TDP1: variants seen among roughly 807,000 people sequenced by gnomAD.
TDP1 encodes the protein tyr-DNA phosphodiesterase 1.
Under a neutral mutation model 81.5 loss-of-function variants are expected in TDP1, and 64 were observed. The ratio of observed to expected loss-of-function variants is 0.79; its 90% confidence interval spans 0.64 to 0.97. The LOEUF (loss-of-function observed/expected upper bound fraction) is 0.97. Among genes scored for constraint, TDP1 ranks in the 50% least tolerant of loss-of-function variants. The pLI is 0.00. For synonymous variants in TDP1, 256 were observed against 264.3 expected, an observed-to-expected ratio of 0.97 and a Z score of 0.30; for missense variants, 723 against 743.8, an observed-to-expected ratio of 0.97 and a Z score of 0.33.
intron 15 of TDP1, among the ~76,000 whole-genome samples, chr14:90,027,338 C>G (rs1434136999): frequency 6.6e-6 from 1 of 152,042 alleles, no homozygotes; most frequent in African/African-American, 2.4e-5. Context: ...GGGTTTCTAC[C>G]CACATGTCAG....
At position 89,976,527 on chromosome 14, in the gene TDP1, C is replaced by CTTT. The variant is rs35744477; in HGVS notation, c.791+738_791+740dup. Among the ~76,000 whole-genome samples the CTTT allele has an allele frequency of 1.1e-3, 98 of 88,758 alleles. 19 individuals are homozygous for CTTT. The highest frequency in any genetic ancestry group is 4.0e-3 in the African/African-American group (81 of 20,048). 58.2% of individuals were successfully genotyped at this position (88,758 alleles called of 152,430 possible). Reference sequence around the variant, plus strand: ...TTTGCAGGTTAAACTCAACAGAGCTCTTTTTTTTTTTTTTTTTTTTTTTTT... The same window carrying CTTT: ...TTTGCAGGTTAAACTCAACAGAGCTCTTTTTTTTTTTTTTTTTTTTTTTTTTTT... On this transcript the variant is annotated intron_variant, in intron 7 of 16. Transcript: ENST00000335725.
chr14:89,971,098 G>A (rs964058360), intron 5 of TDP1, 77 bp from the exon 6 acceptor site: 16 of 1,309,322 alleles, frequency 1.2e-5, no homozygotes, highest in Non-Finnish European at 1.7e-5. Flanking sequence ...GGCCTCCCAA[G>A]GTGCCGGGAT....
intron 6 of TDP1, among the ~76,000 whole-genome samples, chr14:89,972,838 A>G (rs968161781): frequency 1.3e-5 from 2 of 152,128 alleles, no homozygotes; most frequent in Non-Finnish European, 2.9e-5. Flanking sequence ...TTCTTTCCTT[A>G]TCGTTAGCTT....
intron 14 of TDP1, among the ~76,000 whole-genome samples, chr14:90,015,803 A>G (rs1376929341): frequency 2.0e-5 from 3 of 152,132 alleles, no homozygotes; most frequent in African/African-American, 7.2e-5. Flanking sequence ...TGACACCATC[A>G]CATTGGGGGT....
chr14:90,039,316 T>G (rs556327998), intron 16 of TDP1, among the ~76,000 whole-genome samples: 5 of 152,260 alleles, frequency 3.3e-5, no homozygotes, highest in African/African-American at 1.2e-4. Flanking sequence ...CTAGCTGGCA[T>G]GTCTCGTACA....
At position 89,991,993 on chromosome 14, in the gene TDP1, T is replaced by G. The variant is rs1390223144; in HGVS notation, c.1433+10T>G. The G allele has an allele frequency of 1.2e-6, 2 of 1,608,338 alleles. No homozygotes were observed. The highest frequency in any genetic ancestry group is 2.2e-5 in the East Asian group (1 of 44,736). ...TGCATTCCTATTTTCAGTAAGTAAT[T>G]GGTTTAGACTGCTGCTATTGCTTCT... On this transcript the variant is annotated intron_variant, in intron 13 of 16. Coordinates refer to ENST00000335725, the MANE Select transcript of TDP1 (RefSeq NM_018319.4).
At chr14:89,976,008 T>TTTCCTC (rs1206711044) in intron 7 of TDP1, among the ~76,000 whole-genome samples, 193 bp downstream of exon 7, 1 of 152,250 alleles carries the variant, frequency 6.6e-6, no homozygotes, top group Non-Finnish European at 1.5e-5. Flanking sequence ...TTTAATTTTA[T>TTTCCTC]AGATCAGGAA....
chr14:89,986,226 A>T (rs1327572534), intron 10 of TDP1, among the ~76,000 whole-genome samples: 1 of 152,254 alleles, frequency 6.6e-6, no homozygotes, highest in Admixed American at 6.5e-5. Context: ...GAAGTTCAGC[A>T]CATTGGCCTG....
At chr14:89,967,201 T>G in intron 4 of TDP1, 166 bp from the exon 5 acceptor site, 1 of 867,646 alleles carries the variant, frequency 1.2e-6, no homozygotes, top group Non-Finnish European at 1.4e-6. Flanking sequence ...TTAAGATAAA[T>G]TATAGGTTTG....
chr14:90,026,505 C>T (rs994512569), intron 15 of TDP1, among the ~76,000 whole-genome samples: 1 of 152,210 alleles, frequency 6.6e-6, no homozygotes. Context: ...TTCATGTGCA[C>T]AACGTGCAGG....
intron 14 of TDP1, among the ~76,000 whole-genome samples, chr14:90,006,005 A>G (rs566369159): frequency 1.3e-5 from 2 of 152,338 alleles, no homozygotes; most frequent in East Asian, 3.9e-4. Flanking sequence ...GACTAGGTCA[A>G]CAGGTAGGCT....
intron 14 of TDP1, among the ~76,000 whole-genome samples, chr14:90,010,576 G>A (rs941467441): frequency 7.0e-6 from 1 of 142,434 alleles, no homozygotes; most frequent in East Asian, 2.0e-4. Context: ...GGGACAAGTC[G>A]AGAGAGAGAG....
intron 6 of TDP1, among the ~76,000 whole-genome samples, chr14:89,972,353 G>A (rs756693438): frequency 3.9e-5 from 6 of 152,144 alleles, no homozygotes; most frequent in South Asian, 2.1e-4. Context: ...TCTCTATCAC[G>A]AGAACAGCAA....
chr14:90,008,749 TG>T (rs1297346874), intron 14 of TDP1, among the ~76,000 whole-genome samples: 5 of 152,316 alleles, frequency 3.3e-5, no homozygotes, highest in Admixed American at 6.5e-5. Context: ...TTTGAGATGG[TG>T]TCTTGCTGTG....
intron 14 of TDP1, among the ~76,000 whole-genome samples, chr14:89,996,652 C>T (rs1417640111): frequency 2.0e-5 from 3 of 152,214 alleles, no homozygotes; most frequent in Non-Finnish European, 4.4e-5. Context: ...TTGAACAAGT[C>T]TTGCCTTGGA....
At chr14:90,041,984 CAT>C (rs1566936759) in intron 16 of TDP1, among the ~76,000 whole-genome samples, 2 of 152,170 alleles carry the variant, frequency 1.3e-5, no homozygotes, top group African/African-American at 4.8e-5. Flanking sequence ...ATTCCCATTC[CAT>C]AGAGGAGGAA....
chr14:90,024,247 C>T (rs140252489), intron 15 of TDP1, among the ~76,000 whole-genome samples: 10 of 152,306 alleles, frequency 6.6e-5, no homozygotes, highest in African/African-American at 2.4e-4. Context: ...ACTCATGGCT[C>T]TCACTACGAG....
chr14:90,035,661 A>G (rs1337957306), intron 16 of TDP1, among the ~76,000 whole-genome samples: 6 of 150,958 alleles, frequency 4.0e-5, no homozygotes, highest in Admixed American at 2.6e-4. Context: ...TAAAGTACTT[A>G]TCTTCCCTCT....
chr14:90,016,633 C>T (rs749583620), intron 14 of TDP1, among the ~76,000 whole-genome samples: 2 of 152,214 alleles, frequency 1.3e-5, no homozygotes, highest in Non-Finnish European at 2.9e-5. Context: ...GCTCTGTAGA[C>T]TTCTAGCTCC....
Sources: allele counts gnomAD v4.1 joint callset (sites outside exome capture counted in the v4.1 genomes callset), GRCh38; gene constraint gnomAD v4.1.1; transcripts MANE v1.5; gene names NCBI Gene and HGNC (gene_info 2026-07-23, HGNC 2026-07-21).